ABCD4: variants seen among roughly 807,000 people sequenced by gnomAD.
ABCD4 encodes ATP binding cassette subfamily D member 4, also known as lysosomal cobalamin transporter ABCD4.
ABCD4 carries 53 observed loss-of-function variants against 86.3 expected under a neutral mutation model. The ratio of observed to expected loss-of-function variants is 0.61; its 90% CI spans 0.49 to 0.77. The LOEUF is 0.77. Among genes scored for constraint, ABCD4 ranks in the 30% least tolerant of loss-of-function variants. The probability of loss-of-function intolerance (pLI) is 0.00; values close to 1 mark genes in which losing one functional copy is unlikely to be tolerated. For missense variants in ABCD4, 757 were observed against 764.5 expected, an observed-to-expected ratio of 0.99 and a Z score of 0.12; for synonymous variants, 328 against 313.6, an observed-to-expected ratio of 1.05 and a Z score of -0.49.
At position 74,295,814 on chromosome 14, in the gene ABCD4, T is replaced by C. The variant is rs757512096; in HGVS notation, c.668+40A>G. ...TACTCCAGATCCCCTTCCTTAACTA[T>C]TATGCCCCAGCCCAGAAACCTCAAG... On this transcript the variant is annotated intron_variant, in intron 6 of 18. Coordinates refer to ENST00000356924, the MANE Select transcript of ABCD4 (RefSeq NM_005050.4). 43 of 1,610,946 alleles carry C rather than the reference T, an allele frequency of 2.7e-5. 1 individual carries two copies. Among genetic ancestry groups the C allele is most frequent in the Middle Eastern group, 1.6e-4 (1 of 6,068 alleles).
At chr14:74,289,833 G>A (rs2080972560) in intron 13 of ABCD4, 194 bp downstream of exon 13, 2 of 1,444,300 alleles carry the variant, frequency 1.4e-6, no homozygotes, top group Non-Finnish European at 1.8e-6. Flanking sequence ...CTCAGGAGCT[G>A]CTATGAGTAG....
rs1400153858 is a variant in ABCD4 at position 74,286,730 on chromosome 14, T to C, written c.1723A>G (p.Ser575Gly). The change falls in exon 18 of 19, where the codon AGT (serine) becomes GGT (glycine). Residue 575 changes from serine to glycine, a missense_variant. Physicochemically the swap from Ser to Gly is moderately conservative, Grantham distance 56. Transcript: ENST00000356924. ...TCAAGGCTCTGCCGATGTCCCACAC[T>C]GATGAACGTCATCCCCAGCTGCTGG... ...IGQQLGMTFI[S>G]VGHRQSLEKF... 1.2e-6 allele frequency: 2 copies of C among 1,614,152 alleles called. No individual in the cohort carries two copies. Among genetic ancestry groups the C allele is most frequent in the Non-Finnish European group, 8.5e-7 (1 of 1,180,038 alleles).
intron 17 of ABCD4, 130 bp downstream of exon 17, chr14:74,287,680 G>A (rs956045733): frequency 3.6e-6 from 3 of 844,060 alleles, no homozygotes; most frequent in Non-Finnish European, 5.7e-6. Flanking sequence ...AGGGCCTGCT[G>A]TCCTCTCCAG....
intron 4 of ABCD4, chr14:74,297,437 T>A (rs928866319): frequency 2.6e-5 from 4 of 152,266 alleles, no homozygotes; most frequent in African/African-American, 9.7e-5. Flanking sequence ...GATGAAAATC[T>A]AAGAGCTGGT....
intron 1 of ABCD4, among the ~76,000 whole-genome samples, chr14:74,301,726 C>A (rs2084596717): frequency 6.6e-6 from 1 of 151,768 alleles, no homozygotes; most frequent in Admixed American, 6.6e-5. Context: ...GGCCAACCCC[C>A]CCATCTTTGC....
intron 7 of ABCD4, chr14:74,293,714 G>C (rs1405112595): frequency 1.3e-5 from 2 of 152,742 alleles, no homozygotes; most frequent in Non-Finnish European, 1.5e-5. Context: ...TAGTTAGCTA[G>C]TGCAATAAAG....
Position 74,286,480 on chromosome 14 carries a change from A to C in ABCD4, c.1802T>G (p.Met601Arg), listed in dbSNP as rs1182105057. 6.2e-7 allele frequency: 1 copy of C among 1,614,186 alleles called. No homozygotes were observed. Among genetic ancestry groups the C allele is most frequent in the Non-Finnish European group, 8.5e-7 (1 of 1,180,034 alleles). ...KLCGGGRWELMRIKVE is the reference protein window; with the variant it reads ...KLCGGGRWELRRIKVE ...AGAGCTTCATTCCACTTTGATTCTCATCAGCTCCCATCTTCCTCCTCCACA... is the reference window on the plus strand; with the variant it reads ...AGAGCTTCATTCCACTTTGATTCTCCTCAGCTCCCATCTTCCTCCTCCACA... The change falls in exon 19 of 19, where the codon ATG becomes AGG. Residue 601 changes from methionine (M) to arginine (R), a missense_variant. Transcript: ENST00000356924.
chr14:74,298,879 G>A (rs1367648813), intron 3 of ABCD4, among the ~76,000 whole-genome samples: 1 of 152,214 alleles, frequency 6.6e-6, no homozygotes, highest in East Asian at 1.9e-4. Flanking sequence ...ACCATTTCCA[G>A]GGCACCTATG....
chr14:74,293,194 C>G lies in ABCD4; in HGVS notation c.774G>C (p.Gln258His). The stretch of plus-strand genomic sequence containing the variant: ...CCTTGGACATCAGCTCCCTCTGGGT[C>G]TGAAGGAGTCTCTGCAGCCTGCGGT... Reference protein sequence around the residue: ...RTDRRLQRLLQTQRELMSKEL... With the variant: ...RTDRRLQRLLHTQRELMSKEL... Residue 258 changes from glutamine to histidine, a missense_variant, in exon 8 of 19, where the codon CAG (glutamine) becomes CAC (histidine). Physicochemically the swap from Gln to His is conservative, Grantham distance 24 (BLOSUM62 0). Transcript: ENST00000356924. 1 of 1,614,200 alleles carries G rather than the reference C, an allele frequency of 6.2e-7. No homozygotes were observed. Among genetic ancestry groups the G allele is most frequent in the Non-Finnish European group, 8.5e-7 (1 of 1,180,030 alleles).
chr14:74,295,905 C>G lies in ABCD4; in HGVS notation c.617G>C (p.Gly206Ala), dbSNP rs1275722778. 1 of 1,613,294 alleles carries G rather than the reference C, an allele frequency of 6.2e-7. No homozygotes were observed. Reference sequence around the variant, plus strand: ...ATGCACCAGCTTCATCACAATGGGGCCCATCAAAGTTTTGTTCACCACGGT... The same window carrying G: ...ATGCACCAGCTTCATCACAATGGGGGCCATCAAAGTTTTGTTCACCACGGT... ...LGTVVNKTLM[G>A]PIVMKLVHQE... Residue 206 changes from glycine to alanine, a missense_variant, in exon 6 of 19, where the codon GGC becomes GCC. Gly to Ala is a moderately conservative substitution (Grantham distance 60). Transcript: ENST00000356924.
rs972140495 is a variant in ABCD4 at position 74,300,267 on chromosome 14, G to A, written c.40C>T (p.Pro14Ser). 6.2e-7 allele frequency: 1 copy of A among 1,606,106 alleles called. No homozygotes were observed. The highest frequency in any genetic ancestry group is 8.5e-7 in the Non-Finnish European group (1 of 1,173,326). The change falls in exon 2 of 19, where the codon CCC (proline) becomes TCC (serine). Residue 14 changes from proline (P) to serine (S), a missense_variant and splice_region_variant. Pro to Ser is a moderately conservative substitution (Grantham distance 74). Transcript: ENST00000356924. ...AGPAPGAGAR[P>S]RLDLQFLQRF... ...TGGAGAAATTGCAGATCTAACCTGG[G>A]CCTGAAGAGAAGGTGGGGAGGCAGA...
At chr14:74,295,067 G>A (rs1291561660) in intron 7 of ABCD4, 81 bp downstream of exon 7, 3 of 1,542,348 alleles carry the variant, frequency 1.9e-6, no homozygotes, top group Non-Finnish European at 2.7e-6. Flanking sequence ...CTCGGTGGTG[G>A]TGGGAGGGTT....
At chr14:74,298,154 C>T in intron 3 of ABCD4, 85 bp from the exon 4 acceptor site, 1 of 1,544,596 alleles carries the variant, frequency 6.5e-7, no homozygotes, top group Non-Finnish European at 8.7e-7. Flanking sequence ...AGAGCCTCCG[C>T]TGACCCATCC....
chr14:74,302,368 TTCGAAACCG>T (rs2084843367), intron 1 of ABCD4, among the ~76,000 whole-genome samples: 2 of 152,160 alleles, frequency 1.3e-5, no homozygotes, highest in African/African-American at 4.8e-5. Context: ...TATTGAAGAA[TTCGAAACCG>T]CTATATAGAT....
chr14:74,292,951 C>A, intron 8 of ABCD4, 82 bp from the exon 9 acceptor site: 1 of 1,594,132 alleles, frequency 6.3e-7, no homozygotes, highest in Non-Finnish European at 8.6e-7. Context: ...GGGAGCAGGA[C>A]GCCAAGTAGG....
rs533291297 is a variant in ABCD4 at position 74,288,421 on chromosome 14, G to A, written c.1507-162C>T. The stretch of plus-strand genomic sequence containing the variant: ...GGGGACTGTGGGACAGTCTGCCCCA[G>A]GCAGAGAGGAATATTCTACCAATGA... On this transcript the variant is annotated intron_variant, in intron 15 of 18. Transcript: ENST00000356924. 10 of 708,560 alleles carry A rather than the reference G, an allele frequency of 1.4e-5. No homozygotes were observed. In the East Asian group the frequency reaches 2.7e-4, roughly 19 times the overall value. 43.9% of individuals were successfully genotyped at this position (708,560 alleles called of 1,614,324 possible).
At chr14:74,297,262 G>C (rs1251540167) in intron 4 of ABCD4, 1 of 152,352 alleles carries the variant, frequency 6.6e-6, no homozygotes, top group East Asian at 1.9e-4. Context: ...TTACATGAAT[G>C]ATATTTCATC....
chr14:74,299,790 GGTGGCTCACGCCT>G (rs2083850373), intron 2 of ABCD4, 115 bp from the exon 3 acceptor site: 2 of 1,054,860 alleles, frequency 1.9e-6, no homozygotes, highest in Non-Finnish European at 2.8e-6. Flanking sequence ...GGCCGGGCGC[GGTGGCTCACGCCT>G]GTAATCCCAG....
chr14:74,297,638 C>T (rs1235359726), intron 4 of ABCD4: 8 of 933,190 alleles, frequency 8.6e-6, no homozygotes, highest in South Asian at 4.5e-5. Flanking sequence ...AGTGTGCTCA[C>T]GGTGCACTAC....
Sources: gnomAD v4.1 joint callset for allele counts (sites outside exome capture counted in the v4.1 genomes callset) on GRCh38, gnomAD v4.1.1 for gene constraint, MANE v1.5 for transcripts, NCBI Gene and HGNC (gene_info 2026-07-23, HGNC 2026-07-21) for gene names.